The following LAMA2 variants were observed in gnomAD, a reference collection of about 807,000 sequenced individuals.
LAMA2 encodes laminin subunit alpha 2.
In LAMA2, 269 loss-of-function variants were observed where a neutral mutation model predicts 364.8. The observed-to-expected ratio is 0.74, with a 90% CI of 0.67 to 0.82. The LOEUF is 0.82. LAMA2 is among the 40% of genes least tolerant of loss of function. The probability of loss-of-function intolerance (pLI) is 0.00; values close to 1 mark genes in which losing one functional copy is unlikely to be tolerated. For synonymous variants in LAMA2, 1,379 were observed against 1,370.6 expected (o/e 1.01, Z -0.14); for missense variants, 3,807 against 3,873.2 (o/e 0.98, Z 0.45).
At chr6:129,115,304 G>C (rs1776411540) in intron 4 of LAMA2, among the ~76,000 whole-genome samples, 1 of 151,996 alleles carries the variant, frequency 6.6e-6, no homozygotes, top group Admixed American at 6.6e-5. Context: ...ATACAAATTG[G>C]TGTTTCCACT....
At chr6:129,180,291 G>A (rs1209245015) in intron 10 of LAMA2, among the ~76,000 whole-genome samples, 1 of 151,992 alleles carries the variant, frequency 6.6e-6, no homozygotes, top group African/African-American at 2.4e-5. Flanking sequence ...ATACATAAGT[G>A]TCCATATATT....
intron 1 of LAMA2, among the ~76,000 whole-genome samples, chr6:129,029,703 G>A (rs1458229917): frequency 1.3e-5 from 2 of 151,986 alleles, no homozygotes; most frequent in Non-Finnish European, 2.9e-5. Flanking sequence ...TGAATTGTGA[G>A]ATAAACTGCA....
chr6:128,929,275 A>G, intron 1 of LAMA2: 1 of 1,339,540 alleles, frequency 7.5e-7, no homozygotes, highest in Non-Finnish European at 1.1e-6. Flanking sequence ...AGTTCCCGTC[A>G]TTGATGCGGA....
chr6:129,016,936 A>G (rs1785115229), intron 1 of LAMA2, among the ~76,000 whole-genome samples: 1 of 151,818 alleles, frequency 6.6e-6, no homozygotes, highest in African/African-American at 2.4e-5. Context: ...GAAAAGCTCA[A>G]TAAATAAAAA....
chr6:129,506,250 G>T (rs1455037268), intron 61 of LAMA2, among the ~76,000 whole-genome samples: 1 of 152,052 alleles, frequency 6.6e-6, no homozygotes, highest in East Asian at 1.9e-4. Context: ...CTACTTTGGA[G>T]GCTGAGGCAA....
chr6:129,053,039 A>G (rs1345592651), intron 2 of LAMA2, among the ~76,000 whole-genome samples: 1 of 152,164 alleles, frequency 6.6e-6, no homozygotes, highest in Non-Finnish European at 1.5e-5. Context: ...AACCTTTCCT[A>G]TTAATGACTC....
chr6:129,103,099 C>G (rs2114883212), intron 4 of LAMA2, among the ~76,000 whole-genome samples: 1 of 152,304 alleles, frequency 6.6e-6, no homozygotes, highest in South Asian at 2.1e-4. Flanking sequence ...TCACAACGTA[C>G]CAATCACCTG....
intron 12 of LAMA2, among the ~76,000 whole-genome samples, chr6:129,247,882 T>G (rs1252229128): frequency 6.6e-6 from 1 of 152,218 alleles, no homozygotes; most frequent in African/African-American, 2.4e-5. Context: ...ATCGCTGACC[T>G]GCATGAGGAG....
At chr6:129,161,111 A>T (rs998823813) in intron 8 of LAMA2, among the ~76,000 whole-genome samples, 2 of 152,164 alleles carry the variant, frequency 1.3e-5, no homozygotes, top group Admixed American at 1.3e-4. Context: ...TTTATATCTT[A>T]TAAATTAATA....
chr6:129,270,217 A>G (rs545543244), intron 16 of LAMA2, among the ~76,000 whole-genome samples: 5 of 151,784 alleles, frequency 3.3e-5, no homozygotes, highest in African/African-American at 7.3e-5. Context: ...ATTTTTACCT[A>G]GAATCAGCTA....
At chr6:129,026,112 C>T (rs535358371) in intron 1 of LAMA2, among the ~76,000 whole-genome samples, 22 of 152,048 alleles carry the variant, frequency 1.4e-4, no homozygotes, top group Admixed American at 4.6e-4. Flanking sequence ...GACTATTTTC[C>T]GTAAAATATG....
intron 13 of LAMA2, among the ~76,000 whole-genome samples, chr6:129,251,074 CTCTATATATA>C (rs751259268): frequency 6.0e-3 from 361 of 60,492 alleles, no homozygotes; most frequent in African/African-American, 0.015. Flanking sequence ...CTCTCTCTCT[CTCTATATATA>C]TATATATATA....
At chr6:129,496,291 C>T (rs775713974) in intron 58 of LAMA2, among the ~76,000 whole-genome samples, 2 of 152,152 alleles carry the variant, frequency 1.3e-5, no homozygotes, top group South Asian at 2.1e-4. Flanking sequence ...TTCAGCCTCC[C>T]GAGTAGCTGG....
rs2114774687 is a variant in LAMA2 at position 129,445,696 on chromosome 6, T to G, written c.6304T>G (p.Leu2102Val). 2 of 1,613,946 alleles carry G rather than the reference T, an allele frequency of 1.2e-6. No homozygotes were observed. Among genetic ancestry groups the G allele is most frequent in the East Asian group, 2.2e-5 (1 of 44,858 alleles). ...CGATGCAGATGCCACTGTCAAAAAT[T>G]TAGAACAGGAAGCTGACCGGCTAAT... ...IADADATVKN[L>V]EQEADRLIDK... The change falls in exon 45 of 65, where the codon TTA becomes GTA. Residue 2102 changes from leucine to valine, a missense_variant. Coordinates refer to ENST00000421865, the MANE Select transcript of LAMA2 (RefSeq NM_000426.4).
At chr6:129,417,436 C>T (rs2326804) in intron 40 of LAMA2, among the ~76,000 whole-genome samples, 75,873 of 151,510 alleles carry the variant, frequency 0.5, 19,513 homozygotes, top group African/African-American at 0.62. Context: ...TTTTATGGGC[C>T]TCAGAGGGGA....
chr6:129,221,338 T>G (rs1783833569), intron 12 of LAMA2, among the ~76,000 whole-genome samples: 1 of 147,876 alleles, frequency 6.8e-6, no homozygotes, highest in Non-Finnish European at 1.5e-5. Context: ...TTGAGAAAGC[T>G]TTAGTATCAA....
intron 34 of LAMA2, among the ~76,000 whole-genome samples, chr6:129,371,102 ATAAATAAGAATTTTC>A (rs1778046535): frequency 6.6e-6 from 1 of 152,224 alleles, no homozygotes; most frequent in African/African-American, 2.4e-5. Context: ...CATATTTGTT[ATAAATAAGAATTTTC>A]TAACAGGTCA....
At chr6:129,019,439 C>T (rs1349782702) in intron 1 of LAMA2, among the ~76,000 whole-genome samples, 1 of 151,556 alleles carries the variant, frequency 6.6e-6, no homozygotes, top group African/African-American at 2.4e-5. Flanking sequence ...TATCATTTCT[C>T]TCATATTTTC....
chr6:129,025,457 T>C (rs1364096261), intron 1 of LAMA2, among the ~76,000 whole-genome samples: 4 of 152,194 alleles, frequency 2.6e-5, no homozygotes, highest in Non-Finnish European at 5.9e-5. Flanking sequence ...TGGTTATTGC[T>C]CTTCAATAAA....
Sources: gnomAD v4.1 joint callset for allele counts (sites outside exome capture counted in the v4.1 genomes callset) on GRCh38, gnomAD v4.1.1 for gene constraint, MANE v1.5 for transcripts, NCBI Gene and HGNC (gene_info 2026-07-23, HGNC 2026-07-21) for gene names.